The following ATAD2B variants were observed in gnomAD, a reference collection of about 807,000 sequenced individuals.
The protein encoded by ATAD2B is ATPase family AAA domain containing 2B, also known as ATPase family AAA domain-containing protein 2B.
ATAD2B carries 40 observed loss-of-function variants against 167.6 expected under a neutral mutation model. That is an observed-to-expected ratio of 0.24 (90% CI 0.19 to 0.31). The LOEUF (loss-of-function observed/expected upper bound fraction) is 0.31. ATAD2B is among the 10% of genes least tolerant of loss of function. The probability of loss-of-function intolerance (pLI) is 1.00; values close to 1 mark genes in which losing one functional copy is unlikely to be tolerated. For synonymous variants in ATAD2B, 579 were observed against 596.5 expected, an observed-to-expected ratio of 0.97 and a Z score of 0.43; for missense variants, 1,242 against 1,757.2, an observed-to-expected ratio of 0.71 and a Z score of 5.24.
At chr2:23,820,906 G>A (rs550433946) in intron 16 of ATAD2B, among the ~76,000 whole-genome samples, 12 of 152,126 alleles carry the variant, frequency 7.9e-5, no homozygotes, top group African/African-American at 2.4e-4. Flanking sequence ...CCAAGATTGC[G>A]CCACTGCACT....
intron 1 of ATAD2B, among the ~76,000 whole-genome samples, chr2:23,906,826 T>C (rs1270877591): frequency 6.6e-6 from 1 of 151,952 alleles, no homozygotes; most frequent in Non-Finnish European, 1.5e-5. Context: ...CGCAAATCAA[T>C]AAATGTAATC....
the ATAD2B span, chr2:23,691,405 A>C: frequency 1.9e-6 from 1 of 519,344 alleles, no homozygotes; most frequent in Non-Finnish European, 3.5e-6. Flanking sequence ...GTCCCCATCC[A>C]TAGCTCATGC....
chr2:23,778,368 AT>A (rs1451731318), intron 22 of ATAD2B, among the ~76,000 whole-genome samples: 2 of 152,178 alleles, frequency 1.3e-5, no homozygotes, highest in African/African-American at 4.8e-5. Flanking sequence ...AAAAATATGG[AT>A]TGATCTTCTC....
chr2:23,879,892 T>C (rs1322970920), intron 7 of ATAD2B, among the ~76,000 whole-genome samples: 2 of 151,758 alleles, frequency 1.3e-5, no homozygotes, highest in Non-Finnish European at 2.9e-5. Flanking sequence ...CTGTCTCTAC[T>C]GAAAAAAATA....
chr2:23,784,860 T>C (rs1366189013), intron 21 of ATAD2B, among the ~76,000 whole-genome samples: 1 of 152,032 alleles, frequency 6.6e-6, no homozygotes, highest in Non-Finnish European at 1.5e-5. Flanking sequence ...AGTGGAAAGA[T>C]ATAAAGTAGC....
chr2:23,920,227 A>T (rs1376142776), intron 1 of ATAD2B, among the ~76,000 whole-genome samples: 1 of 152,206 alleles, frequency 6.6e-6, no homozygotes, highest in Non-Finnish European at 1.5e-5. Flanking sequence ...AGGTTTCAAC[A>T]TAATAGTCTC....
intron 18 of ATAD2B, among the ~76,000 whole-genome samples, chr2:23,807,907 A>AATATATTTATAATATATATAAAT (rs1684742540): frequency 7.7e-6 from 1 of 129,350 alleles, no homozygotes; most frequent in Admixed American, 8.8e-5. Flanking sequence ...AAAATATATA[A>AATATATTTATAATATATATAAAT]ATATAAATAT....
the ATAD2B span, among the ~76,000 whole-genome samples, chr2:23,694,573 G>A: frequency 6.6e-6 from 1 of 152,202 alleles, no homozygotes; most frequent in Non-Finnish European, 1.5e-5. Context: ...TGTTGAGCAT[G>A]AGCATGAGCT....
chr2:23,788,890 A>G (rs1681218432), intron 19 of ATAD2B, among the ~76,000 whole-genome samples: 1 of 152,126 alleles, frequency 6.6e-6, no homozygotes, highest in Non-Finnish European at 1.5e-5. Flanking sequence ...CATATCTAGT[A>G]AGAGTCATCA....
chr2:23,835,714 T>A (rs1689824488), intron 13 of ATAD2B, among the ~76,000 whole-genome samples: 1 of 152,100 alleles, frequency 6.6e-6, no homozygotes, highest in African/African-American at 2.4e-5. Context: ...GGTGGGTGGA[T>A]CGTCTGAGGT....
Position 23,798,174 on chromosome 2 carries a change from A to G in ATAD2B, c.2604T>C (p.Ser868=). 6.3e-7 allele frequency: 1 copy of G among 1,598,324 alleles called. No individual in the cohort carries two copies. Among genetic ancestry groups the G allele is most frequent in the Non-Finnish European group, 8.6e-7 (1 of 1,169,192 alleles). The change falls in exon 19 of 28, where the codon TCT becomes TCC. Residue 868 remains serine, a synonymous_variant. Coordinates refer to ENST00000238789, the MANE Select transcript of ATAD2B (RefSeq NM_017552.4). ...IPSFSPIFLL[S]TSETMYSELP... Reference sequence around the variant, plus strand: ...GTTCACTGTACATGGTTTCAGAGGTAGACAATAAAAATATAGGTGAAAATG... The same window carrying G: ...GTTCACTGTACATGGTTTCAGAGGTGGACAATAAAAATATAGGTGAAAATG...
chr2:23,868,880 C>G (rs1399499093), intron 9 of ATAD2B, among the ~76,000 whole-genome samples: 2 of 152,104 alleles, frequency 1.3e-5, no homozygotes, highest in Non-Finnish European at 2.9e-5. Flanking sequence ...ATGAATGTAA[C>G]TTCATTGATA....
chr2:23,915,642 A>G (rs192770553), intron 1 of ATAD2B, among the ~76,000 whole-genome samples: 1 of 124,972 alleles, frequency 8.0e-6, no homozygotes, highest in Non-Finnish European at 1.6e-5. Context: ...GCCAGGCTAG[A>G]GTACAGTGGC....
chr2:23,784,454 A>C (rs1317766609), intron 21 of ATAD2B, among the ~76,000 whole-genome samples: 1 of 152,168 alleles, frequency 6.6e-6, no homozygotes, highest in Non-Finnish European at 1.5e-5. Flanking sequence ...AAAGAAGAGA[A>C]ATACAACCCT....
chr2:23,721,597 G>C, the ATAD2B span, among the ~76,000 whole-genome samples: 8 of 151,836 alleles, frequency 5.3e-5, no homozygotes, highest in African/African-American at 1.7e-4. Flanking sequence ...AGGCAGCTGT[G>C]CAACAATATC....
chr2:23,893,667 C>CTTTT lies in ATAD2B; in HGVS notation c.368+2148_368+2151dup, dbSNP rs745557044. Among the ~76,000 whole-genome samples, 599 of 119,420 alleles carry CTTTT rather than the reference C, an allele frequency of 5.0e-3. 7 individuals are homozygous for CTTTT. Among genetic ancestry groups the CTTTT allele is most frequent in the African/African-American group, 0.015 (463 of 31,544 alleles). 78.3% of individuals were successfully genotyped at this position (119,420 alleles called of 152,430 possible). The stretch of plus-strand genomic sequence containing the variant: ...ATGAATAAACTAAAAAAAAAAAAAA[C>CTTTT]TTTTTTTTTTTTTTTTTTACGAAGA... On this transcript the variant is annotated intron_variant, in intron 2 of 27. Transcript: ENST00000238789.
chr2:23,885,936 C>T (rs1698602948), intron 4 of ATAD2B, 107 bp from the exon 5 acceptor site: 3 of 650,496 alleles, frequency 4.6e-6, no homozygotes, highest in South Asian at 4.4e-5. Flanking sequence ...TAACTACACA[C>T]AACTTTTTTT....
At chr2:23,714,593 G>A in the ATAD2B span, among the ~76,000 whole-genome samples, 28 of 151,018 alleles carry the variant, frequency 1.9e-4, no homozygotes, top group East Asian at 4.8e-3. Flanking sequence ...AGTAGCTCAC[G>A]CCTGTAATCC....
chr2:23,853,845 T>C (rs913051062), intron 13 of ATAD2B, among the ~76,000 whole-genome samples: 2 of 152,154 alleles, frequency 1.3e-5, no homozygotes, highest in African/African-American at 4.8e-5. Flanking sequence ...AACTAACAAA[T>C]CTAGAAATAG....
Sources: allele counts gnomAD v4.1 joint callset (sites outside exome capture counted in the v4.1 genomes callset), GRCh38; gene constraint gnomAD v4.1.1; transcripts MANE v1.5; gene names NCBI Gene and HGNC (gene_info 2026-07-23, HGNC 2026-07-21).